PITPNM2: variants seen among roughly 807,000 people sequenced by gnomAD.
The protein encoded by PITPNM2 is membrane-associated phosphatidylinositol transfer protein 2.
In PITPNM2, 35 loss-of-function variants were observed where a neutral mutation model predicts 132.2. That is an observed-to-expected ratio of 0.26 (90% CI 0.20 to 0.35). PITPNM2 has a LOEUF of 0.35. PITPNM2 is among the 10% of genes least tolerant of loss of function. PITPNM2 has a pLI of 1.00. For missense variants in PITPNM2, 1,332 were observed against 1,912.0 expected (o/e 0.70, Z 5.66); for synonymous variants, 738 against 799.2 (o/e 0.92, Z 1.29).
At chr12:123,059,995 G>A (rs554430255) in intron 2 of PITPNM2, among the ~76,000 whole-genome samples, 1 of 152,200 alleles carries the variant, frequency 6.6e-6, no homozygotes, top group Non-Finnish European at 1.5e-5. Context: ...AACGAGGAAA[G>A]AAAGGTCAGG....
intron 3 of PITPNM2, among the ~76,000 whole-genome samples, chr12:123,021,993 CT>C (rs1173228057): frequency 6.6e-6 from 1 of 152,216 alleles, no homozygotes; most frequent in African/African-American, 2.4e-5. Flanking sequence ...CACGCCCTGG[CT>C]TTATCCCAGC....
Position 122,994,882 on chromosome 12 carries a change from C to G in PITPNM2, c.2152G>C (p.Glu718Gln). The G allele has an allele frequency of 6.2e-7, 1 of 1,612,456 alleles. No individual in the cohort carries two copies. Among genetic ancestry groups the G allele is most frequent in the Non-Finnish European group, 8.5e-7 (1 of 1,179,952 alleles). The change falls in exon 15 of 26, where the codon GAG (glutamate) becomes CAG (glutamine). Residue 718 changes from glutamate to glutamine, a missense_variant. Glu to Gln is a conservative substitution (Grantham distance 29). Coordinates refer to ENST00000320201, the MANE Select transcript of PITPNM2 (RefSeq NM_020845.3). This position sits in a 1 kb window ranked among gnomAD's most constrained non-coding sequence, Gnocchi z 5.4. ...CCGAAGAGGAAGAGGTCGGTGATCT[C>G]AAAGTCAAACCTGCCCAGGGCACCT... is the stretch of plus-strand genomic sequence containing the variant. ...GTGALGRFDF[E>Q]ITDLFLFGCP...
At chr12:123,074,091 C>T (rs180721256) in intron 2 of PITPNM2, among the ~76,000 whole-genome samples, 218 of 152,264 alleles carry the variant, frequency 1.4e-3, no homozygotes, top group Non-Finnish European at 2.3e-3. Context: ...AGGGAGGGAG[C>T]GAAGGAGTGA....
upstream of PITPNM2, among the ~76,000 whole-genome samples, chr12:123,151,766 T>C (rs1205256500): frequency 6.6e-6 from 1 of 152,202 alleles, no homozygotes; most frequent in Non-Finnish European, 1.5e-5. Context: ...ATGAGGTGTT[T>C]GTTAGGTTGA....
In PITPNM2 at chr12:122,995,589, A is replaced by G. The variant is rs747106004; in HGVS notation, c.1854T>C (p.Gly618=). The G allele has an allele frequency of 1.9e-6, 3 of 1,603,032 alleles. No homozygotes were observed. The highest frequency in any genetic ancestry group is 8.5e-7 in the Non-Finnish European group (1 of 1,178,418). The change falls in exon 14 of 26, where the codon GGT becomes GGC. Residue 618 remains glycine (G), a synonymous_variant. Coordinates refer to ENST00000320201, the MANE Select transcript of PITPNM2 (RefSeq NM_020845.3). ...CACCACCACTGCTGCCACCACCGCC[A>G]CCGCCGCCACCGCCACCACCGCAGC... The part of the protein sequence containing the change: ...AHCCGGGGGG[G]GGGGSSGGGG...
intron 1 of PITPNM2, among the ~76,000 whole-genome samples, chr12:123,118,917 C>T (rs149988277): frequency 2.6e-5 from 4 of 152,344 alleles, no homozygotes; most frequent in Non-Finnish European, 5.9e-5. Context: ...TCCGCAAATA[C>T]TGTGCCTTAG....
At chr12:123,048,548 G>T (rs1406513996) in intron 2 of PITPNM2, among the ~76,000 whole-genome samples, 1 of 152,126 alleles carries the variant, frequency 6.6e-6, no homozygotes. Flanking sequence ...GAGTAGCTGG[G>T]ACTACAGGCG....
intron 5 of PITPNM2, among the ~76,000 whole-genome samples, chr12:123,011,973 C>A (rs950732706): frequency 5.3e-5 from 8 of 152,212 alleles, no homozygotes; most frequent in African/African-American, 1.7e-4. Flanking sequence ...ACACCCACCC[C>A]CAACCCGCAT....
intron 1 of PITPNM2, among the ~76,000 whole-genome samples, chr12:123,119,924 G>A (rs768497036): frequency 6.6e-6 from 1 of 151,840 alleles, no homozygotes; most frequent in Non-Finnish European, 1.5e-5. Flanking sequence ...GGAAGCATAC[G>A]CTTGCCACCC....
intron 2 of PITPNM2, among the ~76,000 whole-genome samples, chr12:123,051,285 A>G (rs2040847865): frequency 6.6e-6 from 1 of 152,216 alleles, no homozygotes; most frequent in South Asian, 2.1e-4. Context: ...TAAGCCCAGG[A>G]CTAGAGAGAA....
At chr12:123,124,729 C>G (rs746790037) in intron 1 of PITPNM2, among the ~76,000 whole-genome samples, 3 of 152,176 alleles carry the variant, frequency 2.0e-5, no homozygotes, top group Non-Finnish European at 4.4e-5. Flanking sequence ...CATCCCCCAA[C>G]CCGGCAAGAA....
intron 2 of PITPNM2, among the ~76,000 whole-genome samples, chr12:123,054,397 G>C (rs143054048): frequency 2.3e-3 from 354 of 152,314 alleles, no homozygotes; most frequent in African/African-American, 7.6e-3. Context: ...ATCAGATTTA[G>C]GGATTTGGAG....
intron 13 of PITPNM2, 136 bp downstream of exon 13, chr12:122,996,322 G>A: frequency 8.1e-7 from 1 of 1,231,702 alleles, no homozygotes. Flanking sequence ...AAGCCAGATG[G>A]ACTCAGGAAG....
chr12:123,039,624 C>T (rs534238041), intron 2 of PITPNM2, among the ~76,000 whole-genome samples: 66 of 152,232 alleles, frequency 4.3e-4, no homozygotes, highest in African/African-American at 1.4e-3. Flanking sequence ...ACTACAATGG[C>T]GGATGCATGT....
intron 1 of PITPNM2, among the ~76,000 whole-genome samples, chr12:123,134,960 C>A (rs916176638): frequency 6.6e-6 from 1 of 152,124 alleles, no homozygotes; most frequent in Non-Finnish European, 1.5e-5. Flanking sequence ...AGCTGGTGGG[C>A]CTAGCAGGAG....
chr12:122,991,969 C>T, intron 16 of PITPNM2: 1 of 1,263,232 alleles, frequency 7.9e-7, no homozygotes, highest in Middle Eastern at 2.0e-4. Context: ...CACGCTCTGA[C>T]ACAGAGACTC....
intron 3 of PITPNM2, among the ~76,000 whole-genome samples, chr12:123,019,596 C>T (rs1176891381): frequency 3.3e-5 from 5 of 152,194 alleles, no homozygotes; most frequent in Non-Finnish European, 5.9e-5. Flanking sequence ...CTCCTCTCTC[C>T]CTCCAGGAAA....
At chr12:123,138,571 C>A (rs1221818592) in intron 1 of PITPNM2, among the ~76,000 whole-genome samples, 1 of 152,126 alleles carries the variant, frequency 6.6e-6, no homozygotes, top group East Asian at 1.9e-4. Flanking sequence ...AGAAACCAGA[C>A]ACAAAAGGCC....
At position 123,051,950 on chromosome 12, in the gene PITPNM2, T is replaced by C. The variant is rs2040869906; in HGVS notation, c.-95-17265A>G. Reference sequence around the variant, plus strand: ...GACAGTCTCACTCTGTTGCCCATGCTGGAGTGCCGTGGCGCCATCTCGGCT... The same window carrying C: ...GACAGTCTCACTCTGTTGCCCATGCCGGAGTGCCGTGGCGCCATCTCGGCT... On this transcript the variant is annotated intron_variant, in intron 2 of 25. Transcript: ENST00000320201. Among the ~76,000 whole-genome samples, 3 of 151,606 alleles carry C rather than the reference T, an allele frequency of 2.0e-5. No individual in the cohort carries two copies. In the East Asian group the frequency reaches 5.8e-4, roughly 29 times the overall value.
Sources: allele counts gnomAD v4.1 joint callset (sites outside exome capture counted in the v4.1 genomes callset), GRCh38; gene constraint gnomAD v4.1.1; non-coding constraint Gnocchi (gnomAD v3.1); transcripts MANE v1.5; gene names NCBI Gene and HGNC (gene_info 2026-07-23, HGNC 2026-07-21).